The following TDRD3 variants were observed in gnomAD, a reference collection of about 807,000 sequenced individuals.
The protein encoded by TDRD3 is tudor domain containing 3, also known as tudor domain-containing protein 3.
Under a neutral mutation model 86.7 loss-of-function variants are expected in TDRD3, and 45 were observed. The ratio of observed to expected loss-of-function variants is 0.52; its 90% CI spans 0.41 to 0.67. The LOEUF (loss-of-function observed/expected upper bound fraction) is 0.67. TDRD3 is among the 30% of genes least tolerant of loss of function. The probability of loss-of-function intolerance (pLI) is 0.00; values close to 1 mark genes in which losing one functional copy is unlikely to be tolerated. For missense variants in TDRD3, 814 were observed against 889.0 expected, an observed-to-expected ratio of 0.92 and a Z score of 1.07; for synonymous variants, 298 against 301.7, an observed-to-expected ratio of 0.99 and a Z score of 0.13.
rs904078534 is a variant in TDRD3 at position 60,503,248 on chromosome 13, T to C, written c.859-6515T>C. ...TCCAGTGTTACAATCTTCAAAGCTA[T>C]TAGAATCCTGCATTTGAGAGCACCT... On this transcript the variant is annotated intron_variant, in intron 8 of 13. Coordinates refer to ENST00000377881, the MANE Select transcript of TDRD3 (RefSeq NM_001146070.2). 5.3e-4 allele frequency among the ~76,000 whole-genome samples: 80 copies of C among 152,208 alleles called. 1 individual carries two copies. Among genetic ancestry groups the C allele is most frequent in the Non-Finnish European group, 2.1e-4 (14 of 68,030 alleles).
At chr13:60,396,759 G>A (rs1474014814), upstream of TDRD3, 2 of 152,274 alleles carry the variant, frequency 1.3e-5, no homozygotes, top group East Asian at 1.9e-4. Flanking sequence ...TTTGCGTCCG[G>A]GCGGACCAAA....
chr13:60,473,784 A>T (rs755762646), intron 5 of TDRD3, among the ~76,000 whole-genome samples: 4 of 152,148 alleles, frequency 2.6e-5, no homozygotes, highest in Non-Finnish European at 4.4e-5. Context: ...GGTCTAGCGG[A>T]CAAGGCCACT....
At chr13:60,560,729 C>T (rs1294373753) in intron 12 of TDRD3, among the ~76,000 whole-genome samples, 1 of 151,990 alleles carries the variant, frequency 6.6e-6, no homozygotes, top group Non-Finnish European at 1.5e-5. Context: ...TTCATGATAT[C>T]CTGTAGAATC....
rs756397959 is a variant in TDRD3, at chr13:60,509,735, A to G, written c.859-28A>G. On this transcript the variant is annotated intron_variant, in intron 8 of 13. Transcript: ENST00000377881. ...TGCCTTGCCTTATCTGTGGGCTATC[A>G]GCCAGCTTTTCTCTTTATTCCTTCC... The G allele has an allele frequency of 3.1e-6, 5 of 1,613,068 alleles. 1 individual carries two copies. In the Admixed American group the frequency reaches 8.3e-5, roughly 27 times the overall value.
intron 2 of TDRD3, among the ~76,000 whole-genome samples, chr13:60,443,937 T>G (rs1955341151): frequency 6.6e-6 from 1 of 151,942 alleles, no homozygotes; most frequent in Non-Finnish European, 1.5e-5. Context: ...TCTCTTACCA[T>G]TCCTTTATAT....
chr13:60,494,567 A>G lies in TDRD3; in HGVS notation c.850A>G (p.Arg284Gly), dbSNP rs1956673110. The change falls in exon 8 of 14, where the codon AGA becomes GGA. Residue 284 changes from arginine (R) to glycine (G), a missense_variant. Physicochemically the swap from Arg to Gly is moderately radical, Grantham distance 125. Transcript: ENST00000377881. ...AGAGGGAAAACATGAAGGTGTCTAT[A>G]GAGAACTGGTAAGGCTAAAGAACTA... ...KSEGKHEGVY[R>G]ELVDEKALKH... 1 of 1,613,498 alleles carries G rather than the reference A, an allele frequency of 6.2e-7. No individual in the cohort carries two copies. Among genetic ancestry groups the G allele is most frequent in the Non-Finnish European group, 8.5e-7 (1 of 1,179,670 alleles).
chr13:60,550,431 C>T lies in TDRD3; in HGVS notation c.2118+15198C>T, dbSNP rs1004057503. Among the ~76,000 whole-genome samples the T allele has an allele frequency of 5.9e-5, 9 of 151,996 alleles. 1 individual carries two copies. The highest frequency in any genetic ancestry group is 1.2e-4 in the Non-Finnish European group (8 of 67,926). On this transcript the variant is annotated intron_variant, in intron 12 of 13. Transcript: ENST00000377881. ...TTATTACACTTTTCTTCTCAATAGTCATGTTCTTGGAGGAGTTAATGCTCT... is the reference window on the plus strand; with the variant it reads ...TTATTACACTTTTCTTCTCAATAGTTATGTTCTTGGAGGAGTTAATGCTCT...
chr13:60,460,800 TTCAA>T, intron 4 of TDRD3: 5 of 232,622 alleles, frequency 2.1e-5, no homozygotes, highest in South Asian at 8.0e-5. Flanking sequence ...AGGTCAGGAG[TTCAA>T]GACCAGCCTG....
At chr13:60,469,881 TATACATAACA>T (rs1165009169) in intron 5 of TDRD3, among the ~76,000 whole-genome samples, 2 of 152,196 alleles carry the variant, frequency 1.3e-5, no homozygotes, top group Non-Finnish European at 2.9e-5. Flanking sequence ...TGTGGCAAAG[TATACATAACA>T]TAAAATTTAA....
intron 8 of TDRD3, among the ~76,000 whole-genome samples, chr13:60,497,246 C>G (rs1026553140): frequency 2.8e-4 from 42 of 152,092 alleles, no homozygotes; most frequent in Non-Finnish European, 1.8e-4. Context: ...TGTGCAGTTG[C>G]AAGATTTAAT....
chr13:60,449,546 C>T (rs1302378199), intron 3 of TDRD3, among the ~76,000 whole-genome samples: 2 of 152,070 alleles, frequency 1.3e-5, no homozygotes, highest in Non-Finnish European at 2.9e-5. Context: ...ACATACTTTC[C>T]TTGTATTCAT....
chr13:60,562,317 C>T (rs1272802522), intron 12 of TDRD3, among the ~76,000 whole-genome samples: 2 of 149,576 alleles, frequency 1.3e-5, no homozygotes, highest in Non-Finnish European at 3.0e-5. Flanking sequence ...AGTCTCCCTT[C>T]CCCCCACCCC....
At chr13:60,397,723 C>T (rs938423386) in intron 1 of TDRD3, among the ~76,000 whole-genome samples, 4 of 150,992 alleles carry the variant, frequency 2.6e-5, no homozygotes, top group African/African-American at 9.7e-5. Context: ...CCCGGCCGAC[C>T]GGAGCGCCGG....
At chr13:60,515,507 C>T (rs896425828) in intron 10 of TDRD3, among the ~76,000 whole-genome samples, 4 of 152,118 alleles carry the variant, frequency 2.6e-5, no homozygotes, top group Non-Finnish European at 5.9e-5. Flanking sequence ...ATTATTTTGC[C>T]TGTAGCTATT....
rs780633549 is a variant in TDRD3, at chr13:60,528,502, C to T, written c.1277C>T (p.Pro426Leu). The stretch of plus-strand genomic sequence containing the variant: ...ACCAGGCAGCCAAGAAATGAAAAAC[C>T]GCCTCGTTTTCAAAGAGACTCCCAA... ...NDTRQPRNEK[P>L]PRFQRDSQNS... The change falls in exon 11 of 14, where the codon CCG becomes CTG. Residue 426 changes from proline to leucine, a missense_variant. Transcript: ENST00000377881. 4 of 1,613,836 alleles carry T rather than the reference C, an allele frequency of 2.5e-6. No homozygotes were observed. The highest frequency in any genetic ancestry group is 3.4e-6 in the Non-Finnish European group (4 of 1,179,920).
chr13:60,437,047 T>C (rs1955130217), intron 1 of TDRD3, among the ~76,000 whole-genome samples: 1 of 152,106 alleles, frequency 6.6e-6, no homozygotes, highest in South Asian at 2.1e-4. Flanking sequence ...GGAAACTGAT[T>C]TGGATAGCTA....
At position 60,529,146 on chromosome 13, in the gene TDRD3, A is replaced by T. The variant is rs753621177; in HGVS notation, c.1921A>T (p.Ile641Phe). The T allele has an allele frequency of 1.2e-6, 2 of 1,613,622 alleles. No homozygotes were observed. The highest frequency in any genetic ancestry group is 2.7e-5 in the African/African-American group (2 of 74,924). Residue 641 changes from isoleucine to phenylalanine, a missense_variant, in exon 11 of 14, where the codon ATT (isoleucine) becomes TTT (phenylalanine). Physicochemically the swap from Ile to Phe is conservative, Grantham distance 21. Transcript: ENST00000377881. ...GCCAGAAAAAATACTAGAATCATCT[A>T]TTCCTATGGAGTATGCAAAAATGTG... ...IKPEKILESS[I>F]PMEYAKMWKP...
In TDRD3 at chr13:60,430,000, A is replaced by G. The variant is rs545734641; in HGVS notation, c.42-9688A>G. Among the ~76,000 whole-genome samples, 49 of 152,278 alleles carry G rather than the reference A, an allele frequency of 3.2e-4. No homozygotes were observed. In the South Asian group the frequency reaches 7.7e-3, roughly 24 times the overall value. ...GCTAGGTATTACATGCTGTCTCCTC[A>G]TTTATTCTTAGAAAAACTCTGTAGA... is the stretch of plus-strand genomic sequence containing the variant. On this transcript the variant is annotated intron_variant, in intron 1 of 13. Transcript: ENST00000377881.
At chr13:60,545,519 G>A (rs1388206213) in intron 12 of TDRD3, among the ~76,000 whole-genome samples, 1 of 152,038 alleles carries the variant, frequency 6.6e-6, no homozygotes, top group Non-Finnish European at 1.5e-5. Context: ...GTAAAATTTA[G>A]GGACATGTAA....
Sources: allele counts gnomAD v4.1 joint callset (sites outside exome capture counted in the v4.1 genomes callset), GRCh38; gene constraint gnomAD v4.1.1; transcripts MANE v1.5; gene names NCBI Gene and HGNC (gene_info 2026-07-23, HGNC 2026-07-21).